Variants in COL18A1 observed in about 807,000 individuals in gnomAD.
COL18A1 encodes the protein collagen alpha-1(XVIII) chain.
COL18A1 carries 133 observed loss-of-function variants against 168.0 expected under a neutral mutation model. The ratio of observed to expected loss-of-function variants is 0.79; its 90% CI spans 0.69 to 0.91. The LOEUF is 0.91. Ranked by LOEUF, COL18A1 falls within the 40% of genes least tolerant of loss-of-function variation. The pLI is 0.00. For synonymous variants in COL18A1, 949 were observed against 809.0 expected (o/e 1.17, Z -2.94); for missense variants, 2,126 against 1,925.4 (o/e 1.10, Z -1.95).
chr21:45,487,064 A>T (rs1387288372), intron 16 of COL18A1, 72 bp downstream of exon 16: 1 of 1,382,198 alleles, frequency 7.2e-7, no homozygotes, highest in East Asian at 2.5e-5. Context: ...TACCCCTGGC[A>T]TCTCACTCAC....
chr21:45,438,355 C>G (rs111266065), intron 2 of COL18A1, among the ~76,000 whole-genome samples: 5 of 133,684 alleles, frequency 3.7e-5, no homozygotes, highest in Non-Finnish European at 8.0e-5. Flanking sequence ...CACTCAGACA[C>G]ACAGGCACTC....
chr21:45,482,165 C>T (rs1012933717), intron 14 of COL18A1, 140 bp downstream of exon 14: 28 of 697,652 alleles, frequency 4.0e-5, no homozygotes, highest in South Asian at 1.2e-4. Flanking sequence ...TGGGGCCTCG[C>T]GCTCTGGAGG....
At position 45,484,363 on chromosome 21, in the gene COL18A1, CACAT is replaced by C. The variant is rs764882928; in HGVS notation, c.1701+1546_1701+1549del. On this transcript the variant is annotated intron_variant, in intron 15 of 41. Coordinates refer to ENST00000651438, the MANE Select transcript of COL18A1 (RefSeq NM_001379500.1). ...CACATCTCCAGCATATGTGCGCACA[CACAT>C]ACACGCACACACACATCTCCAGCAT... Among the ~76,000 whole-genome samples the C allele has an allele frequency of 4.4e-4, 62 of 139,546 alleles. 1 individual carries two copies. Among genetic ancestry groups the C allele is most frequent in the Non-Finnish European group, 6.9e-4 (44 of 63,410 alleles). 91.5% of individuals were successfully genotyped at this position (139,546 alleles called of 152,430 possible).
intron 2 of COL18A1, among the ~76,000 whole-genome samples, chr21:45,458,512 C>T (rs1293260599): frequency 6.6e-6 from 1 of 152,146 alleles, no homozygotes. Context: ...CACTCATCCT[C>T]CGTCCCTGGA....
At chr21:45,509,672 C>T in intron 39 of COL18A1, 71 bp downstream of exon 39, 3 of 872,928 alleles carry the variant, frequency 3.4e-6, no homozygotes, top group Non-Finnish European at 5.5e-6. Flanking sequence ...GAGGGCCCAG[C>T]CCCTGCAGAG....
At position 45,505,920 on chromosome 21, in the gene COL18A1, A is replaced by G. The variant is rs1309927926; in HGVS notation, c.3170A>G (p.Gln1057Arg). The G allele has an allele frequency of 1.2e-6, 2 of 1,613,178 alleles. No individual in the cohort carries two copies. Among genetic ancestry groups the G allele is most frequent in the Admixed American group, 1.7e-5 (1 of 60,022 alleles). ...GGCTGGCTCATCTTCGTGGCCGAGC[A>G]GGAGGAGCTCTACGTCCGCGTGCAG... is the stretch of plus-strand genomic sequence containing the variant. ...PEGWLIFVAE[Q>R]EELYVRVQNG... The change falls in exon 37 of 42, where the codon CAG becomes CGG. Residue 1057 changes from glutamine to arginine, a missense_variant. Transcript: ENST00000651438.
At chr21:45,433,123 G>C (rs2034007635) in intron 2 of COL18A1, among the ~76,000 whole-genome samples, 1 of 152,164 alleles carries the variant, frequency 6.6e-6, no homozygotes, top group Non-Finnish European at 1.5e-5. Flanking sequence ...ATTTCGAGAG[G>C]GTCACGGACA....
chr21:45,474,206 T>A (rs1455790944), intron 4 of COL18A1, among the ~76,000 whole-genome samples: 1 of 151,968 alleles, frequency 6.6e-6, no homozygotes, highest in Non-Finnish European at 1.5e-5. Flanking sequence ...GAAACCACCC[T>A]CCATGGCAGC....
intron 2 of COL18A1, among the ~76,000 whole-genome samples, chr21:45,450,546 T>C (rs1341393570): frequency 6.6e-6 from 1 of 152,166 alleles, no homozygotes. Context: ...TGTGGATGTT[T>C]GTACCTTTTT....
At chr21:45,435,206 G>C (rs1046479260) in intron 2 of COL18A1, among the ~76,000 whole-genome samples, 5 of 146,696 alleles carry the variant, frequency 3.4e-5, no homozygotes, top group African/African-American at 1.3e-4. Context: ...AGTGGGTAGG[G>C]GGTCGATGGG....
chr21:45,419,355 G>A (rs1296278793), intron 2 of COL18A1, among the ~76,000 whole-genome samples: 3 of 152,112 alleles, frequency 2.0e-5, no homozygotes, highest in Admixed American at 6.6e-5. Flanking sequence ...AGTGATGCGC[G>A]ATGCCGTGTG....
At position 45,470,141 on chromosome 21, in the gene COL18A1, C is replaced by A. The variant is rs868249156; in HGVS notation, c.651+1355C>A. On this transcript the variant is annotated intron_variant, in intron 3 of 41. Coordinates refer to ENST00000651438, the MANE Select transcript of COL18A1 (RefSeq NM_001379500.1). ...TAGGGAGAGCCGGGCCACCGCCCTGCGGTGAGGGCCTCCTCATCAGCGAAG... is the reference window on the plus strand; with the variant it reads ...TAGGGAGAGCCGGGCCACCGCCCTGAGGTGAGGGCCTCCTCATCAGCGAAG... 2.9e-4 allele frequency among the ~76,000 whole-genome samples: 44 copies of A among 152,238 alleles called. 1 individual carries two copies. Among genetic ancestry groups the A allele is most frequent in the Non-Finnish European group, 4.3e-4 (29 of 68,044 alleles).
At position 45,493,216 on chromosome 21, in the gene COL18A1, G is replaced by A. The variant is rs771732044; in HGVS notation, c.2268G>A (p.Pro756=). 38 of 1,559,068 alleles carry A rather than the reference G, an allele frequency of 2.4e-5. No individual in the cohort carries two copies. In the East Asian group the frequency reaches 3.4e-4, roughly 14 times the overall value. The change falls in exon 25 of 42, where the codon CCG becomes CCA. Residue 756 remains proline (P), a synonymous_variant. Transcript: ENST00000651438. ...GCTCTAAGGGCGAACGAGGCTCCCCGGGACCCAAGGTAAGGGGCTCAGGTG... is the reference window on the plus strand; with the variant it reads ...GCTCTAAGGGCGAACGAGGCTCCCCAGGACCCAAGGTAAGGGGCTCAGGTG... ...NLGSKGERGS[P]GPKGEKGEPG...
chr21:45,498,978 C>T lies in COL18A1; in HGVS notation c.2683+1317C>T, dbSNP rs992934544. 3.3e-5 allele frequency among the ~76,000 whole-genome samples: 5 copies of T among 152,154 alleles called. No individual in the cohort carries two copies. Among genetic ancestry groups the T allele is most frequent in the Admixed American group, 2.0e-4 (3 of 15,272 alleles). ...GATTGCTTGTCCCTGGGAGCCAGAA[C>T]GAGGGCTCCGAGGGCTCTAGAGGGA... On this transcript the variant is annotated intron_variant, in intron 32 of 41. Transcript: ENST00000651438. The surrounding 1 kb of genome is among the most constrained non-coding windows in gnomAD (Gnocchi z 4.5).
rs2037432400 is a variant in COL18A1 at position 45,509,317 on chromosome 21, GGTCCCCCCGCCGACAGGCCCCACGT to G, written c.3250-38_3250-14del. 6.5e-7 allele frequency: 1 copy of G among 1,537,312 alleles called. No individual in the cohort carries two copies. Among genetic ancestry groups the G allele is most frequent in the Non-Finnish European group, 8.7e-7 (1 of 1,145,536 alleles). ...ACAGATGGAGGAGGGGCACCCGGAGGGTCCCCCCGCCGACAGGCCCCACGTCTCCCACCTGCAGGACAATGAAGTG... is the reference window on the plus strand; with the variant it reads ...ACAGATGGAGGAGGGGCACCCGGAGGCTCCCACCTGCAGGACAATGAAGTG... On this transcript the variant is annotated splice_polypyrimidine_tract_variant and intron_variant, in intron 38 of 41. Coordinates refer to ENST00000651438, the MANE Select transcript of COL18A1 (RefSeq NM_001379500.1).
intron 15 of COL18A1, among the ~76,000 whole-genome samples, chr21:45,485,986 T>C (rs1237666427): frequency 6.6e-6 from 1 of 152,188 alleles, no homozygotes; most frequent in Non-Finnish European, 1.5e-5. Context: ...AGGGAGCTTG[T>C]GGCTGCGAGG....
chr21:45,511,616 G>A (rs2037612779), intron 41 of COL18A1, among the ~76,000 whole-genome samples: 1 of 152,216 alleles, frequency 6.6e-6, no homozygotes, highest in Non-Finnish European at 1.5e-5. Flanking sequence ...AATGTTGACA[G>A]AAATTTCCAG....
chr21:45,487,181 G>A (rs1158251248), intron 16 of COL18A1, among the ~76,000 whole-genome samples, 189 bp downstream of exon 16: 1 of 152,204 alleles, frequency 6.6e-6, no homozygotes, highest in Non-Finnish European at 1.5e-5. Flanking sequence ...GTGCCCCACG[G>A]TGCTGATGGG....
chr21:45,500,419 T>G (rs1384849556), intron 32 of COL18A1, among the ~76,000 whole-genome samples: 1 of 90,366 alleles, frequency 1.1e-5, no homozygotes, highest in African/African-American at 4.5e-5. Context: ...GGGTGTGTGG[T>G]GTGGGGTGTG....
Sources: gnomAD v4.1 joint callset for allele counts (sites outside exome capture counted in the v4.1 genomes callset) on GRCh38, gnomAD v4.1.1 for gene constraint, Gnocchi (gnomAD v3.1) non-coding constraint, MANE v1.5 for transcripts, NCBI Gene and HGNC (gene_info 2026-07-23, HGNC 2026-07-21) for gene names.